The following CAB39 variants were observed in gnomAD, a reference collection of about 807,000 sequenced individuals.
CAB39 encodes the protein calcium-binding protein 39.
CAB39 carries 8 observed loss-of-function variants against 40.0 expected under a neutral mutation model. The observed-to-expected ratio is 0.20, with a 90% CI of 0.12 to 0.36. CAB39 has a LOEUF of 0.36. Ranked by LOEUF, CAB39 falls within the 10% of genes least tolerant of loss-of-function variation. The probability of loss-of-function intolerance (pLI) is 1.00; values close to 1 mark genes in which losing one functional copy is unlikely to be tolerated. For missense variants in CAB39, 270 were observed against 401.1 expected, an observed-to-expected ratio of 0.67 and a Z score of 2.79; for synonymous variants, 156 against 141.6, an observed-to-expected ratio of 1.10 and a Z score of -0.72.
At chr2:230,735,770 C>T (rs1694778766) in intron 1 of CAB39, among the ~76,000 whole-genome samples, 1 of 152,172 alleles carries the variant, frequency 6.6e-6, no homozygotes, top group South Asian at 2.1e-4. Flanking sequence ...CTACCTCAGC[C>T]TCCCAAAGTG....
intron 2 of CAB39, among the ~76,000 whole-genome samples, chr2:230,762,092 G>A (rs1162101910): frequency 6.6e-6 from 1 of 152,102 alleles, no homozygotes; most frequent in African/African-American, 2.4e-5. Flanking sequence ...AGTTTTAGTA[G>A]AGACGGGGTT....
At chr2:230,737,578 C>A (rs190812608) in intron 1 of CAB39, among the ~76,000 whole-genome samples, 53 of 152,290 alleles carry the variant, frequency 3.5e-4, no homozygotes, top group African/African-American at 1.1e-3. Flanking sequence ...AGAGCGCTGT[C>A]ACGAATATTT....
chr2:230,805,946 TAGC>T, intron 5 of CAB39, among the ~76,000 whole-genome samples: 1 of 151,852 alleles, frequency 6.6e-6, no homozygotes, highest in East Asian at 1.9e-4. Context: ...GTGTAGATGT[TAGC>T]CAGGAAGGGA....
At chr2:230,799,510 A>G (rs1006911116) in intron 5 of CAB39, among the ~76,000 whole-genome samples, 2 of 152,234 alleles carry the variant, frequency 1.3e-5, no homozygotes, top group Non-Finnish European at 2.9e-5. Flanking sequence ...TGTATAAATT[A>G]AATACATACA....
intron 1 of CAB39, among the ~76,000 whole-genome samples, chr2:230,721,418 G>A (rs1220382247): frequency 6.6e-6 from 1 of 152,142 alleles, no homozygotes; most frequent in African/African-American, 2.4e-5. Flanking sequence ...GCAACAGAGG[G>A]AAACTCCATC....
chr2:230,740,457 T>G (rs570262583), intron 1 of CAB39, among the ~76,000 whole-genome samples: 11 of 152,312 alleles, frequency 7.2e-5, no homozygotes, highest in Non-Finnish European at 1.5e-4. Context: ...AATTGTTCAG[T>G]CCTGCTGGCA....
At chr2:230,762,607 T>C (rs1454704984) in intron 2 of CAB39, among the ~76,000 whole-genome samples, 1 of 152,240 alleles carries the variant, frequency 6.6e-6, no homozygotes, top group African/African-American at 2.4e-5. Flanking sequence ...TCCTTAATCC[T>C]TATCTTAAAA....
At position 230,761,110 on chromosome 2, in the gene CAB39, T is replaced by C. The variant is rs557197168; in HGVS notation, c.114+995T>C. 3.2e-4 allele frequency among the ~76,000 whole-genome samples: 49 copies of C among 152,294 alleles called. 1 individual carries two copies. The highest frequency in any genetic ancestry group is 5.7e-4 in the Non-Finnish European group (39 of 68,020). ...TATTTGCATGTACATAATGAGATCTTGGGGATGGGACCCATGTCTAAATAT... is the reference window on the plus strand; with the variant it reads ...TATTTGCATGTACATAATGAGATCTCGGGGATGGGACCCATGTCTAAATAT... On this transcript the variant is annotated intron_variant, in intron 2 of 8. Transcript: ENST00000258418.
chr2:230,744,751 T>A (rs1024906752), intron 1 of CAB39, among the ~76,000 whole-genome samples: 3 of 152,254 alleles, frequency 2.0e-5, no homozygotes, highest in African/African-American at 7.2e-5. Context: ...AACTGCATGG[T>A]ACACTGAAAT....
At chr2:230,733,821 G>A (rs558403967) in intron 1 of CAB39, among the ~76,000 whole-genome samples, 3 of 152,160 alleles carry the variant, frequency 2.0e-5, no homozygotes, top group Non-Finnish European at 4.4e-5. Flanking sequence ...TCACAAGATC[G>A]TTTTGGGAGT....
intron 1 of CAB39, among the ~76,000 whole-genome samples, chr2:230,719,556 T>C (rs1414136978): frequency 6.6e-6 from 1 of 152,142 alleles, no homozygotes; most frequent in African/African-American, 2.4e-5. Context: ...TGGCTTATAG[T>C]TTAGTTAGGC....
At chr2:230,796,575 G>T (rs1220189429) in intron 4 of CAB39, among the ~76,000 whole-genome samples, 3 of 152,054 alleles carry the variant, frequency 2.0e-5, no homozygotes, top group Non-Finnish European at 4.4e-5. Context: ...GCCATTTTGT[G>T]AGCAGATATT....
At chr2:230,773,911 T>C (rs546617810) in intron 2 of CAB39, among the ~76,000 whole-genome samples, 7 of 152,240 alleles carry the variant, frequency 4.6e-5, no homozygotes, top group African/African-American at 1.7e-4. Flanking sequence ...TGAAGAGGTA[T>C]TGACATGGAC....
rs11555189 is a variant in CAB39, at chr2:230,819,184, G to A, written c.*480G>A. 39,408 of 152,468 alleles carry A rather than the reference G, an allele frequency of 0.26. 5,350 individuals carry two copies. The highest frequency in any genetic ancestry group is 0.33 in the African/African-American group (13,826 of 41,504). 9.4% of individuals were successfully genotyped at this position (152,468 alleles called of 1,614,324 possible). On this transcript the variant is annotated 3_prime_UTR_variant, in exon 9 of 9. Transcript: ENST00000258418. Reference sequence around the variant, plus strand: ...GAGCTTTATCTGAAATCAGAGGGGAGCTATCCAAAATGGGAGTTTGGGGGC... The same window carrying A: ...GAGCTTTATCTGAAATCAGAGGGGAACTATCCAAAATGGGAGTTTGGGGGC...
chr2:230,808,089 A>AT (rs1479046588), intron 5 of CAB39, among the ~76,000 whole-genome samples: 1 of 139,252 alleles, frequency 7.2e-6, no homozygotes, highest in African/African-American at 2.8e-5. Flanking sequence ...TTTTTTTTTA[A>AT]TTTTTTTTAT....
intron 5 of CAB39, among the ~76,000 whole-genome samples, chr2:230,804,284 A>C (rs1246821367): frequency 1.3e-5 from 2 of 152,244 alleles, no homozygotes; most frequent in African/African-American, 2.4e-5. Flanking sequence ...TTAGACCTAA[A>C]ACCATAAAAA....
At chr2:230,798,184 A>G (rs1361385210) in intron 4 of CAB39, among the ~76,000 whole-genome samples, 1 of 152,150 alleles carries the variant, frequency 6.6e-6, no homozygotes, top group Non-Finnish European at 1.5e-5. Context: ...CACTTTGTGA[A>G]GTCCTCAGGA....
chr2:230,817,851 G>A lies in CAB39; in HGVS notation c.791G>A (p.Arg264Gln). 1.2e-6 allele frequency: 2 copies of A among 1,612,948 alleles called. No individual in the cohort carries two copies. Among genetic ancestry groups the A allele is most frequent in the Non-Finnish European group, 1.7e-6 (2 of 1,179,684 alleles). ...CTCAAATTAATGATGAACCTGCTGC[G>A]AGACAAAAGTCGCAACATCCAGTTT... Reference protein sequence around the residue: ...ENLKLMMNLLRDKSRNIQFEA... With the variant: ...ENLKLMMNLLQDKSRNIQFEA... The change falls in exon 8 of 9, where the codon CGA (arginine) becomes CAA (glutamine). Residue 264 changes from arginine to glutamine, a missense_variant. By Grantham distance (43) the Arg-to-Gln change is conservative. Coordinates refer to ENST00000258418, the MANE Select transcript of CAB39 (RefSeq NM_016289.4).
intron 6 of CAB39, among the ~76,000 whole-genome samples, chr2:230,811,370 C>T (rs1696303074): frequency 6.6e-6 from 1 of 152,156 alleles, no homozygotes; most frequent in Admixed American, 6.5e-5. Flanking sequence ...ACACTGAGCA[C>T]ACAAGTCCTT....
Sources: allele counts gnomAD v4.1 joint callset (sites outside exome capture counted in the v4.1 genomes callset), GRCh38; gene constraint gnomAD v4.1.1; transcripts MANE v1.5; gene names NCBI Gene and HGNC (gene_info 2026-07-23, HGNC 2026-07-21).